ZHX2: variants seen among roughly 807,000 people sequenced by gnomAD.
ZHX2 encodes the protein zinc fingers and homeoboxes protein 2.
Under a neutral mutation model 21.9 loss-of-function variants are expected in ZHX2, and 6 were observed. The observed-to-expected ratio is 0.27, with a 90% CI of 0.15 to 0.54. The LOEUF is 0.54. Ranked by LOEUF, ZHX2 falls within the 20% of genes least tolerant of loss-of-function variation. The pLI is 0.95. For missense variants in ZHX2, 908 were observed against 1,090.7 expected, an observed-to-expected ratio of 0.83 and a Z score of 2.36; for synonymous variants, 434 against 437.1, an observed-to-expected ratio of 0.99 and a Z score of 0.09.
intron 1 of ZHX2, among the ~76,000 whole-genome samples, chr8:122,830,848 GCA>G (rs1818359322): frequency 6.6e-6 from 1 of 152,208 alleles, no homozygotes; most frequent in Non-Finnish European, 1.5e-5. Context: ...TTTTGGTGTT[GCA>G]CAGTTTCATG....
In ZHX2 at chr8:122,953,679, G is replaced by C; in HGVS notation, c.2169G>C (p.Gly723=). The part of the protein sequence containing the change: ...TKPMAESPKN[G]GDVVPQYYKD... ...CCATGGCCGAGAGCCCAAAGAACGG[G>C]GGTGATGTGGTTCCACAATATTACA... Residue 723 remains glycine, a synonymous_variant, in exon 3 of 4, where the codon GGG becomes GGC. Coordinates refer to ENST00000314393, the MANE Select transcript of ZHX2 (RefSeq NM_014943.5). The surrounding 1 kb of genome is among the most constrained non-coding windows in gnomAD (Gnocchi z 4.6). 2.5e-6 allele frequency: 4 copies of C among 1,614,228 alleles called. No individual in the cohort carries two copies. Among genetic ancestry groups the C allele is most frequent in the Non-Finnish European group, 3.4e-6 (4 of 1,180,046 alleles).
At chr8:122,968,800 G>T (rs7000562) in intron 3 of ZHX2, among the ~76,000 whole-genome samples, 94,969 of 150,938 alleles carry the variant, frequency 0.63, 29,970 homozygotes, top group East Asian at 0.78. Flanking sequence ...GATTGCACCA[G>T]TGAACTCCAG....
intron 2 of ZHX2, among the ~76,000 whole-genome samples, chr8:122,873,562 G>T (rs192784531): frequency 8.8e-4 from 134 of 152,306 alleles, no homozygotes; most frequent in African/African-American, 3.1e-3. Context: ...GGTGCAGGAC[G>T]CCATCTTTGC....
At position 122,781,714 on chromosome 8, in the gene ZHX2, C is replaced by CAT. The variant is rs1563728029; in HGVS notation, c.-515_-514insAT. On this transcript the variant is annotated 5_prime_UTR_variant, in exon 1 of 4. Coordinates refer to ENST00000314393, the MANE Select transcript of ZHX2 (RefSeq NM_014943.5). This position sits in a 1 kb window ranked among gnomAD's most constrained non-coding sequence, Gnocchi z 4.6. ...GGCATTTTTTTTCCCTTTTTTTTTCCTTTTTTTTTTTCTTTTAAAAATTTT... is the reference window on the plus strand; with the variant it reads ...GGCATTTTTTTTCCCTTTTTTTTTCCATTTTTTTTTTTTCTTTTAAAAATTTT... 6.8e-6 allele frequency: 1 copy of CAT among 147,270 alleles called. No individual in the cohort carries two copies. Among genetic ancestry groups the CAT allele is most frequent in the Non-Finnish European group, 1.5e-5 (1 of 66,390 alleles). 9.1% of individuals were successfully genotyped at this position (147,270 alleles called of 1,614,324 possible).
At chr8:122,807,706 G>C (rs189661506) in intron 1 of ZHX2, 152 of 152,342 alleles carry the variant, frequency 1.0e-3, no homozygotes, top group African/African-American at 3.5e-3. Flanking sequence ...CTTACTGTGT[G>C]CTTTTATGTG....
At chr8:122,881,140 A>G (rs1276249400) in intron 2 of ZHX2, among the ~76,000 whole-genome samples, 3 of 151,490 alleles carry the variant, frequency 2.0e-5, no homozygotes, top group Non-Finnish European at 4.4e-5. Context: ...GCGTGGCTGC[A>G]GGATCCGTGC....
intron 1 of ZHX2, among the ~76,000 whole-genome samples, chr8:122,789,915 C>T (rs778974058): frequency 2.0e-5 from 3 of 152,098 alleles, no homozygotes; most frequent in Admixed American, 2.0e-4. Context: ...CAGGAGAGCC[C>T]GAAGACTTCA....
intron 1 of ZHX2, among the ~76,000 whole-genome samples, chr8:122,835,688 G>GA (rs958724907): frequency 3.3e-5 from 5 of 152,186 alleles, no homozygotes; most frequent in African/African-American, 1.2e-4. Context: ...GTCGGGAAGA[G>GA]AAAGGCGATC....
intron 1 of ZHX2, among the ~76,000 whole-genome samples, chr8:122,840,323 G>A (rs1418691951): frequency 4.6e-5 from 7 of 152,222 alleles, no homozygotes; most frequent in Admixed American, 3.9e-4. Flanking sequence ...GTAGAGTGTC[G>A]TGGGAAAGAA....
At chr8:122,898,032 A>G (rs1246319800) in intron 2 of ZHX2, among the ~76,000 whole-genome samples, 1 of 152,242 alleles carries the variant, frequency 6.6e-6, no homozygotes, top group African/African-American at 2.4e-5. Context: ...GAAATCAGCA[A>G]GGTATGCTGA....
intron 1 of ZHX2, among the ~76,000 whole-genome samples, chr8:122,784,787 T>C (rs1817360371): frequency 6.6e-6 from 1 of 152,202 alleles, no homozygotes; most frequent in African/African-American, 2.4e-5. Context: ...TTTTTCTAGA[T>C]GAGGAGGCAC....
chr8:122,962,339 T>C (rs554404835), intron 3 of ZHX2, among the ~76,000 whole-genome samples: 1 of 152,324 alleles, frequency 6.6e-6, no homozygotes, highest in Admixed American at 6.5e-5. Context: ...TGCTTCCTCA[T>C]AGCTTAGCTC....
chr8:122,942,214 T>C (rs1812863170), intron 2 of ZHX2, among the ~76,000 whole-genome samples: 1 of 151,752 alleles, frequency 6.6e-6, no homozygotes, highest in African/African-American at 2.4e-5. Flanking sequence ...GAGAATGCCT[T>C]CTCGGGGGGT....
chr8:122,932,863 G>A (rs1821028304), intron 2 of ZHX2, among the ~76,000 whole-genome samples: 1 of 152,116 alleles, frequency 6.6e-6, no homozygotes, highest in South Asian at 2.1e-4. Context: ...TGGGTCCTGT[G>A]TAAAGAGATG....
intron 1 of ZHX2, among the ~76,000 whole-genome samples, chr8:122,846,405 C>T (rs569517006): frequency 3.9e-5 from 6 of 152,252 alleles, no homozygotes; most frequent in Admixed American, 6.5e-5. Context: ...TAGAATGCTG[C>T]CGCTGGCTCT....
chr8:122,909,585 A>G (rs888702283), intron 2 of ZHX2, among the ~76,000 whole-genome samples: 4 of 152,074 alleles, frequency 2.6e-5, no homozygotes, highest in Non-Finnish European at 5.9e-5. Context: ...GGCTGGACAG[A>G]TAATCCCCTC....
chr8:122,884,236 A>G (rs1197471653), intron 2 of ZHX2, among the ~76,000 whole-genome samples: 2 of 152,260 alleles, frequency 1.3e-5, no homozygotes, highest in Non-Finnish European at 2.9e-5. Context: ...TCTGTCATTG[A>G]CTGAAGTGCT....
At chr8:122,893,999 C>T (rs974232460) in intron 2 of ZHX2, among the ~76,000 whole-genome samples, 7 of 152,220 alleles carry the variant, frequency 4.6e-5, no homozygotes, top group Admixed American at 2.0e-4. Flanking sequence ...TGTCCTATAG[C>T]GTTGGCTGGG....
rs754799547 is a variant in ZHX2 at position 122,952,616 on chromosome 8, A to C, written c.1106A>C (p.Gln369Pro). Residue 369 changes from glutamine to proline, a missense_variant, in exon 3 of 4, where the codon CAG becomes CCG. Gln to Pro is a moderately conservative substitution (Grantham distance 76). This residue lies in a region of ZHX2 where 232 missense variants were observed against 361.8 expected (regional missense o/e 0.64). Transcript: ENST00000314393. This position sits in a 1 kb window ranked among gnomAD's most constrained non-coding sequence, Gnocchi z 6.9. ...QPILQTALPC[Q>P]ILGQTSLVLT... ...ATCCTCCAGACGGCTCTACCGTGCC[A>C]GATCCTCGGCCAGACTAGCCTGGTG... 1 of 1,614,162 alleles carries C rather than the reference A, an allele frequency of 6.2e-7. No homozygotes were observed. Among genetic ancestry groups the C allele is most frequent in the East Asian group, 2.2e-5 (1 of 44,878 alleles).
Sources: allele counts gnomAD v4.1 joint callset (sites outside exome capture counted in the v4.1 genomes callset), GRCh38; gene constraint gnomAD v4.1.1; regional missense constraint gnomAD v4.1.1; non-coding constraint Gnocchi (gnomAD v3.1); transcripts MANE v1.5; gene names NCBI Gene and HGNC (gene_info 2026-07-23, HGNC 2026-07-21).